Variants in AKR1D1 observed in about 807,000 individuals in gnomAD.
AKR1D1 encodes delta(4)-3-ketosteroid 5-beta-reductase.
A neutral mutation model predicts 42.6 loss-of-function variants in AKR1D1; 32 were observed. That is an observed-to-expected ratio of 0.75 (90% CI 0.57 to 1.01). AKR1D1 has a LOEUF of 1.01. AKR1D1 is among the 50% of genes least tolerant of loss of function. The pLI, the probability that AKR1D1 is intolerant of heterozygous loss-of-function variation, is 0.00. For missense variants in AKR1D1, 364 were observed against 402.2 expected, an observed-to-expected ratio of 0.91 and a Z score of 0.81; for synonymous variants, 123 against 135.5, an observed-to-expected ratio of 0.91 and a Z score of 0.64.
At chr7:138,077,860 T>C (rs1185504175) in intron 1 of AKR1D1, among the ~76,000 whole-genome samples, 2 of 152,196 alleles carry the variant, frequency 1.3e-5, no homozygotes, top group African/African-American at 4.8e-5. Flanking sequence ...GCCAAGCCCA[T>C]AGTGCCTGGC....
intron 7 of AKR1D1, among the ~76,000 whole-genome samples, chr7:138,109,396 C>T (rs1364215749): frequency 6.6e-6 from 1 of 152,192 alleles, no homozygotes; most frequent in Non-Finnish European, 1.5e-5. Flanking sequence ...GTGGCACAGA[C>T]AATTCCTAAC....
intron 3 of AKR1D1, among the ~76,000 whole-genome samples, chr7:138,096,978 G>C (rs771718342): frequency 6.6e-6 from 1 of 152,066 alleles, no homozygotes; most frequent in Non-Finnish European, 1.5e-5. Flanking sequence ...ATATCCACTT[G>C]AATGTCTAGT....
At chr7:138,084,804 T>G (rs1803134334) in intron 1 of AKR1D1, among the ~76,000 whole-genome samples, 1 of 151,870 alleles carries the variant, frequency 6.6e-6, no homozygotes, top group Admixed American at 6.6e-5. Context: ...ACGCCTGTAA[T>G]CCCAACACTT....
chr7:138,101,250 A>G (rs1794311802), intron 4 of AKR1D1, among the ~76,000 whole-genome samples: 1 of 136,704 alleles, frequency 7.3e-6, no homozygotes, highest in Non-Finnish European at 1.5e-5. Flanking sequence ...CCCAGGCTGG[A>G]GTGCAGTGGC....
chr7:138,079,474 G>A (rs1242428980), intron 1 of AKR1D1, among the ~76,000 whole-genome samples: 2 of 152,140 alleles, frequency 1.3e-5, no homozygotes, highest in Non-Finnish European at 2.9e-5. Context: ...ACACTCGGGG[G>A]ACTATTATTG....
chr7:138,102,217 A>T (rs1794332972), intron 4 of AKR1D1, among the ~76,000 whole-genome samples: 1 of 152,166 alleles, frequency 6.6e-6, no homozygotes, highest in Non-Finnish European at 1.5e-5. Flanking sequence ...TCTCAAAAAA[A>T]TAAAATAAAA....
intron 7 of AKR1D1, among the ~76,000 whole-genome samples, chr7:138,109,491 C>T (rs770549181): frequency 3.3e-5 from 5 of 152,234 alleles, no homozygotes; most frequent in African/African-American, 4.8e-5. Flanking sequence ...TCTATCAATC[C>T]CTGATTAGCT....
chr7:138,094,578 GGT>G (rs1794148858), intron 3 of AKR1D1, among the ~76,000 whole-genome samples: 1 of 152,142 alleles, frequency 6.6e-6, no homozygotes, highest in South Asian at 2.1e-4. Context: ...GGACTGCAGT[GGT>G]GTGTGGCTCA....
Position 138,113,679 on chromosome 7 carries a change from C to T in AKR1D1, c.856-11C>T, listed in dbSNP as rs373252045. On this transcript the variant is annotated splice_polypyrimidine_tract_variant and intron_variant, in intron 7 of 8. Coordinates refer to ENST00000242375, the MANE Select transcript of AKR1D1 (RefSeq NM_005989.4). The stretch of plus-strand genomic sequence containing the variant: ...ACCTTCAAAAATGTTCTATTATTTC[C>T]GTTATTTCAGATCTTTGACTTTTCT... 2.0e-5 allele frequency: 33 copies of T among 1,612,192 alleles called. No individual in the cohort carries two copies. In the East Asian group the frequency reaches 4.0e-4, roughly 20 times the overall value.
At position 138,105,323 on chromosome 7, in the gene AKR1D1, A is replaced by G; in HGVS notation, c.473A>G (p.Lys158Arg). The G allele has an allele frequency of 6.2e-7, 1 of 1,614,146 alleles. No individual in the cohort carries two copies. Residue 158 changes from lysine (K) to arginine (R), a missense_variant, in exon 5 of 9, where the codon AAA (lysine) becomes AGA (arginine). Lys to Arg is a conservative substitution (Grantham distance 26). Transcript: ENST00000242375. ...CATWEAMEAC[K>R]DAGLVKSLGV... Reference sequence around the variant, plus strand: ...ACTCTACAGGCGATGGAAGCTTGCAAAGACGCTGGCTTGGTGAAATCCCTG... The same window carrying G: ...ACTCTACAGGCGATGGAAGCTTGCAGAGACGCTGGCTTGGTGAAATCCCTG...
chr7:138,095,669 G>C (rs1276667238), intron 3 of AKR1D1, among the ~76,000 whole-genome samples: 1 of 152,110 alleles, frequency 6.6e-6, no homozygotes, highest in African/African-American at 2.4e-5. Flanking sequence ...GGGATTACAG[G>C]CGCCCGCCAT....
chr7:138,107,329 T>C (rs747648069), intron 6 of AKR1D1, 86 bp from the exon 7 acceptor site: 6 of 1,431,170 alleles, frequency 4.2e-6, no homozygotes, highest in Admixed American at 1.7e-5. Context: ...ACTGGGTGAA[T>C]GGGAAGACAG....
Position 138,118,250 on chromosome 7 carries a change from C to A in AKR1D1, c.*1588C>A, listed in dbSNP as rs1489414907. Among the ~76,000 whole-genome samples, 1 of 152,034 alleles carries A rather than the reference C, an allele frequency of 6.6e-6. No individual in the cohort carries two copies. Among genetic ancestry groups the A allele is most frequent in the Non-Finnish European group, 1.5e-5 (1 of 68,016 alleles). On this transcript the variant is annotated 3_prime_UTR_variant, in exon 9 of 9. Transcript: ENST00000242375. ...CAATATTATTACTTATAACACTGAC[C>A]TCTGGAAAATATTTTGTTCACAAGA...
At chr7:138,114,261 C>T (rs1794590401) in intron 8 of AKR1D1, among the ~76,000 whole-genome samples, 1 of 152,150 alleles carries the variant, frequency 6.6e-6, no homozygotes, top group African/African-American at 2.4e-5. Flanking sequence ...TCCAGCTCTA[C>T]CTATTAGCTG....
chr7:138,106,160 G>A (rs978652848), intron 5 of AKR1D1, among the ~76,000 whole-genome samples: 1 of 152,140 alleles, frequency 6.6e-6, no homozygotes, highest in Admixed American at 6.5e-5. Flanking sequence ...TTAAATGCTA[G>A]TGAGTGCAAA....
At chr7:138,090,324 C>T (rs1039180556) in intron 2 of AKR1D1, among the ~76,000 whole-genome samples, 87 of 152,044 alleles carry the variant, frequency 5.7e-4, no homozygotes, top group Admixed American at 5.5e-3. Context: ...TTTTGCTTAC[C>T]CTTTCTTGTG....
intron 1 of AKR1D1, among the ~76,000 whole-genome samples, chr7:138,087,454 C>G (rs564662717): frequency 6.6e-6 from 1 of 152,288 alleles, no homozygotes; most frequent in Admixed American, 6.5e-5. Context: ...ATAAAATGAA[C>G]AAACCTGTAG....
chr7:138,087,905 TTTTG>T, intron 1 of AKR1D1, among the ~76,000 whole-genome samples: 1 of 151,882 alleles, frequency 6.6e-6, no homozygotes. Flanking sequence ...TTTTTTTTTT[TTTTG>T]AGACAGGGTC....
intron 7 of AKR1D1, among the ~76,000 whole-genome samples, chr7:138,112,086 T>C (rs1794547185): frequency 6.6e-6 from 1 of 152,170 alleles, no homozygotes; most frequent in Non-Finnish European, 1.5e-5. Flanking sequence ...AGAACAAATC[T>C]CCAAGATCAT....
Sources: allele counts gnomAD v4.1 joint callset (sites outside exome capture counted in the v4.1 genomes callset), GRCh38; gene constraint gnomAD v4.1.1; transcripts MANE v1.5; gene names NCBI Gene and HGNC (gene_info 2026-07-23, HGNC 2026-07-21).